Variants in ZNF652 observed in about 807,000 individuals in gnomAD.
ZNF652 encodes zinc finger protein 652.
In ZNF652, 16 loss-of-function variants were observed where a neutral mutation model predicts 45.2. The ratio of observed to expected loss-of-function variants is 0.35; its 90% CI spans 0.24 to 0.54. The LOEUF (loss-of-function observed/expected upper bound fraction) is 0.54. ZNF652 is among the 20% of genes least tolerant of loss of function. The pLI is 0.91. For missense variants in ZNF652, 614 were observed against 765.6 expected (o/e 0.80, Z 2.34); for synonymous variants, 250 against 260.6 (o/e 0.96, Z 0.39).
At chr17:49,315,037 AGTTT>A (rs1467663373) in intron 2 of ZNF652, among the ~76,000 whole-genome samples, 12 of 109,682 alleles carry the variant, frequency 1.1e-4, no homozygotes, top group East Asian at 6.3e-4. Flanking sequence ...GGAGGGTTTT[AGTTT>A]GTTTTTTTTT....
intron 5 of ZNF652, among the ~76,000 whole-genome samples, chr17:49,302,865 G>T (rs1473892700): frequency 2.0e-5 from 3 of 152,070 alleles, no homozygotes; most frequent in Non-Finnish European, 4.4e-5. Flanking sequence ...GGGAGGCTGA[G>T]GCAGGAGAAT....
At chr17:49,356,996 T>TA (rs1343689842) in intron 1 of ZNF652, among the ~76,000 whole-genome samples, 16 of 149,270 alleles carry the variant, frequency 1.1e-4, no homozygotes, top group Non-Finnish European at 1.8e-4. Context: ...GAACTATGTT[T>TA]TAAAAAAAAA....
chr17:49,318,145 T>C (rs890639160), intron 1 of ZNF652, among the ~76,000 whole-genome samples, 162 bp from the exon 2 acceptor site: 16 of 152,334 alleles, frequency 1.1e-4, no homozygotes, highest in Non-Finnish European at 2.9e-5. Context: ...GTACGCAATC[T>C]TGGCTCACTG....
Position 49,298,625 on chromosome 17 carries a change from T to G in ZNF652, c.1609A>C (p.Thr537Pro), listed in dbSNP as rs764551742. ...TGGGGGATGGGCCGAGGGGGAAGAG[T>G]GCTTACAGGATTCATATTGATTGGA... ...TPPINMNPVS[T>P]LPPRPIPHPF... The change falls in exon 6 of 6, where the codon ACT (threonine) becomes CCT (proline). Residue 537 changes from threonine to proline, a missense_variant. Physicochemically the swap from Thr to Pro is conservative, Grantham distance 38. Around this residue, in one of 5 missense-constraint regions of ZNF652, gnomAD observed 132 missense variants for 137.2 expected, o/e 0.96. Transcript: ENST00000430262. The G allele has an allele frequency of 2.5e-6, 4 of 1,609,972 alleles. No individual in the cohort carries two copies. Among genetic ancestry groups the G allele is most frequent in the Admixed American group, 1.7e-5 (1 of 59,540 alleles).
Position 49,298,342 on chromosome 17 carries a change from TCAC to T in ZNF652, c.*68_*70del, listed in dbSNP as rs750545868. The T allele has an allele frequency of 5.1e-6, 8 of 1,577,056 alleles. No homozygotes were observed. In the East Asian group the frequency reaches 9.0e-5, roughly 18 times the overall value. ...GAGAGTCTGAGAACTAAGGAAATGC[TCAC>T]CGACTCCCTCTGTGCACGCTCACAC... On this transcript the variant is annotated 3_prime_UTR_variant, in exon 6 of 6. Transcript: ENST00000430262.
chr17:49,292,727 A>G lies in ZNF652; in HGVS notation c.*5686T>C, dbSNP rs1351262156. Among the ~76,000 whole-genome samples, 1 of 152,210 alleles carries G rather than the reference A, an allele frequency of 6.6e-6. No homozygotes were observed. Among genetic ancestry groups the G allele is most frequent in the Non-Finnish European group, 1.5e-5 (1 of 68,038 alleles). On this transcript the variant is annotated 3_prime_UTR_variant, in exon 6 of 6. Transcript: ENST00000430262. ...TCAAATTTCTGGTGAAAGTAAAAAAAGTGAAGAGTCAAATAAGGATAAAAT... is the reference window on the plus strand; with the variant it reads ...TCAAATTTCTGGTGAAAGTAAAAAAGGTGAAGAGTCAAATAAGGATAAAAT...
chr17:49,328,487 G>C (rs1000478496), intron 1 of ZNF652, among the ~76,000 whole-genome samples: 1 of 152,108 alleles, frequency 6.6e-6, no homozygotes, highest in South Asian at 2.1e-4. Context: ...GGCCTGGTGG[G>C]AGGTGTTTGG....
At chr17:49,330,023 T>G (rs2070006568) in intron 1 of ZNF652, among the ~76,000 whole-genome samples, 1 of 152,204 alleles carries the variant, frequency 6.6e-6, no homozygotes, top group Non-Finnish European at 1.5e-5. Flanking sequence ...TTCAGAATAT[T>G]TTCCCATTAT....
chr17:49,315,745 C>A (rs2069794242), intron 2 of ZNF652, among the ~76,000 whole-genome samples: 1 of 152,156 alleles, frequency 6.6e-6, no homozygotes, highest in Non-Finnish European at 1.5e-5. Flanking sequence ...ATATGGGCTC[C>A]ATGACTCAGT....
intron 1 of ZNF652, among the ~76,000 whole-genome samples, chr17:49,340,527 G>C (rs1424109928): frequency 2.3e-5 from 3 of 128,284 alleles, no homozygotes; most frequent in Non-Finnish European, 4.7e-5. Context: ...TCCAGCCTGG[G>C]CAACAAAGCG....
intron 5 of ZNF652, among the ~76,000 whole-genome samples, chr17:49,307,589 A>AC (rs924038057): frequency 1.1e-4 from 17 of 150,172 alleles, no homozygotes; most frequent in Admixed American, 7.3e-4. Flanking sequence ...AAAAATACAA[A>AC]AAAAAAAAAA....
chr17:49,339,505 C>T (rs558177746), intron 1 of ZNF652, among the ~76,000 whole-genome samples: 2 of 152,056 alleles, frequency 1.3e-5, no homozygotes, highest in South Asian at 2.1e-4. Flanking sequence ...AAGTAAACCT[C>T]GTGGCACTAG....
At chr17:49,307,435 G>GA (rs1175854049) in intron 5 of ZNF652, among the ~76,000 whole-genome samples, 16,217 of 40,514 alleles carry the variant, frequency 0.4, 2,607 homozygotes, top group South Asian at 0.46. Context: ...TGTCTCAAAA[G>GA]AAAAAAAAAA....
At chr17:49,354,615 AAAAAAAACAAAAAAAC>A (rs950325707) in intron 1 of ZNF652, among the ~76,000 whole-genome samples, 1 of 151,348 alleles carries the variant, frequency 6.6e-6, no homozygotes, top group East Asian at 1.9e-4. Context: ...CGCCTCAAAA[AAAAAAAACAAAAAAAC>A]AAAAAAACAA....
chr17:49,358,324 G>C (rs1465876975), intron 1 of ZNF652, among the ~76,000 whole-genome samples: 3 of 152,162 alleles, frequency 2.0e-5, no homozygotes, highest in Non-Finnish European at 4.4e-5. Flanking sequence ...TTCAAGTGCT[G>C]ATTGTCAGAA....
At chr17:49,360,610 TCGA>T (rs1000165408) in intron 1 of ZNF652, among the ~76,000 whole-genome samples, 12 of 152,156 alleles carry the variant, frequency 7.9e-5, no homozygotes, top group Admixed American at 5.9e-4. Flanking sequence ...ACAGCCCCAC[TCGA>T]CGACATCACC....
chr17:49,343,844 C>G (rs1257278837), intron 1 of ZNF652, among the ~76,000 whole-genome samples: 2 of 151,578 alleles, frequency 1.3e-5, no homozygotes, highest in Admixed American at 1.3e-4. Flanking sequence ...TGCTTGAGGC[C>G]CAGAGTTCAA....
chr17:49,307,907 C>T (rs1282088756), intron 5 of ZNF652, among the ~76,000 whole-genome samples: 2 of 151,966 alleles, frequency 1.3e-5, no homozygotes, highest in African/African-American at 2.4e-5. Flanking sequence ...AATATATAGC[C>T]ATTAAAGTTA....
chr17:49,346,288 T>C (rs577819994), intron 1 of ZNF652, among the ~76,000 whole-genome samples: 4 of 152,296 alleles, frequency 2.6e-5, no homozygotes, highest in Admixed American at 1.3e-4. Flanking sequence ...CAGTGGCTAA[T>C]GCCTGTAATC....
Sources: gnomAD v4.1 joint callset for allele counts (sites outside exome capture counted in the v4.1 genomes callset) on GRCh38, gnomAD v4.1.1 for gene constraint, gnomAD v4.1.1 regional missense constraint, MANE v1.5 for transcripts, NCBI Gene and HGNC (gene_info 2026-07-23, HGNC 2026-07-21) for gene names.